ABLIM1: variants seen among roughly 807,000 people sequenced by gnomAD.
ABLIM1 encodes the protein actin binding LIM protein 1.
In ABLIM1, 40 loss-of-function variants were observed where a neutral mutation model predicts 107.0. The ratio of observed to expected loss-of-function variants is 0.37; its 90% CI spans 0.29 to 0.49. ABLIM1 has a LOEUF of 0.49. Ranked by LOEUF, ABLIM1 falls within the 20% of genes least tolerant of loss-of-function variation. The pLI is 0.97. For synonymous variants in ABLIM1, 357 were observed against 357.3 expected (o/e 1.00, Z 0.01); for missense variants, 857 against 1,008.5 (o/e 0.85, Z 2.04).
intron 1 of ABLIM1, among the ~76,000 whole-genome samples, chr10:114,673,280 AAC>A (rs2080338827): frequency 6.6e-6 from 1 of 152,152 alleles, no homozygotes; most frequent in African/African-American, 2.4e-5. Flanking sequence ...ACAAAAAAAA[AAC>A]AAAACTCTTT....
intron 6 of ABLIM1, among the ~76,000 whole-genome samples, chr10:114,512,120 G>A (rs1245923135): frequency 2.6e-5 from 4 of 152,218 alleles, no homozygotes; most frequent in African/African-American, 9.7e-5. Context: ...TGACTCAGGT[G>A]AACTTTCCTG....
At chr10:114,576,587 G>A (rs530112524) in intron 2 of ABLIM1, among the ~76,000 whole-genome samples, 2 of 152,156 alleles carry the variant, frequency 1.3e-5, no homozygotes, top group East Asian at 3.9e-4. Context: ...ATGCTCCCAG[G>A]GTTCATCTGC....
At chr10:114,631,722 A>G (rs1461160389) in intron 1 of ABLIM1, among the ~76,000 whole-genome samples, 2 of 151,830 alleles carry the variant, frequency 1.3e-5, no homozygotes, top group Non-Finnish European at 2.9e-5. Flanking sequence ...GCGGTGGTGA[A>G]ATTAAAGATT....
intron 4 of ABLIM1, among the ~76,000 whole-genome samples, chr10:114,552,735 C>T (rs2068224606): frequency 6.6e-6 from 1 of 152,144 alleles, no homozygotes; most frequent in Non-Finnish European, 1.5e-5. Flanking sequence ...TATATTTTAG[C>T]ATAGGGCTAT....
intron 1 of ABLIM1, among the ~76,000 whole-genome samples, chr10:114,642,291 C>T (rs2078789679): frequency 1.3e-5 from 2 of 151,970 alleles, no homozygotes; most frequent in South Asian, 4.2e-4. Flanking sequence ...GGAGAGTGAG[C>T]ACAGATGCAG....
At chr10:114,631,914 C>A (rs1275152293) in intron 1 of ABLIM1, 4 of 1,304,350 alleles carry the variant, frequency 3.1e-6, no homozygotes, top group Non-Finnish European at 4.0e-6. Flanking sequence ...TTTTCCTTCA[C>A]CATGGCAACC....
chr10:114,528,940 C>T (rs924960865), intron 6 of ABLIM1, among the ~76,000 whole-genome samples: 16 of 152,084 alleles, frequency 1.1e-4, no homozygotes, highest in African/African-American at 3.9e-4. Flanking sequence ...AAGGATGGTA[C>T]CTTTTACCTC....
intron 2 of ABLIM1, among the ~76,000 whole-genome samples, chr10:114,586,548 A>G (rs2074220154): frequency 1.3e-5 from 2 of 152,210 alleles, no homozygotes; most frequent in Admixed American, 6.5e-5. Flanking sequence ...TCAATGATCA[A>G]CTCTTTTCCA....
chr10:114,474,023 C>T, intron 8 of ABLIM1, 67 bp from the exon 9 acceptor site: 1 of 1,244,718 alleles, frequency 8.0e-7, no homozygotes, highest in Non-Finnish European at 1.1e-6. Flanking sequence ...GTCCTGGGCC[C>T]TTAAGCTTTA....
intron 6 of ABLIM1, among the ~76,000 whole-genome samples, chr10:114,497,710 C>T (rs1169888037): frequency 6.9e-6 from 1 of 145,014 alleles, no homozygotes. Flanking sequence ...AAAAAAATCA[C>T]GTCCCCATTT....
intron 2 of ABLIM1, among the ~76,000 whole-genome samples, chr10:114,598,612 AAAAC>A (rs1298366862): frequency 6.6e-6 from 1 of 151,836 alleles, no homozygotes; most frequent in African/African-American, 2.4e-5. Flanking sequence ...AATAAAAACA[AAAAC>A]AAACAAAAAA....
At chr10:114,640,234 A>G (rs1399742479) in intron 1 of ABLIM1, among the ~76,000 whole-genome samples, 1 of 152,194 alleles carries the variant, frequency 6.6e-6, no homozygotes, top group Admixed American at 6.5e-5. Context: ...AGTGAAATGA[A>G]AACAGTTGAG....
Position 114,514,878 on chromosome 10 carries a change from G to A in ABLIM1, c.895-23000C>T, listed in dbSNP as rs1352897756. The stretch of plus-strand genomic sequence containing the variant: ...ACTAAAAAAGAGAGGAAAAGCGCCT[G>A]TCATTGAGACCTACCCACCATGGTG... On this transcript the variant is annotated intron_variant, in intron 6 of 22. Transcript: ENST00000533213. Among the ~76,000 whole-genome samples the A allele has an allele frequency of 2.0e-5, 3 of 152,184 alleles. No individual in the cohort carries two copies. The East Asian group carries it at 5.8e-4, about 29-fold the overall frequency.
chr10:114,476,276 AG>A (rs1263974561), intron 8 of ABLIM1, among the ~76,000 whole-genome samples: 1 of 152,202 alleles, frequency 6.6e-6, no homozygotes, highest in Non-Finnish European at 1.5e-5. Context: ...TACCAATCAC[AG>A]GCATATCTCA....
At chr10:114,477,203 C>T (rs1173126027) in intron 8 of ABLIM1, among the ~76,000 whole-genome samples, 1 of 152,144 alleles carries the variant, frequency 6.6e-6, no homozygotes, top group Non-Finnish European at 1.5e-5. Context: ...ATCAACATAA[C>T]TATGGGACAA....
At chr10:114,480,330 G>T (rs1266511036) in intron 8 of ABLIM1, among the ~76,000 whole-genome samples, 2 of 152,102 alleles carry the variant, frequency 1.3e-5, no homozygotes, top group African/African-American at 4.8e-5. Context: ...TTACTCTCTG[G>T]TCTATGTTAT....
chr10:114,441,467 T>C (rs2060188227), intron 18 of ABLIM1, among the ~76,000 whole-genome samples: 1 of 152,204 alleles, frequency 6.6e-6, no homozygotes, highest in South Asian at 2.1e-4. Context: ...TGCCATACAG[T>C]TTTGCAATTT....
chr10:114,677,671 A>G (rs1352548146), intron 1 of ABLIM1, among the ~76,000 whole-genome samples: 2 of 152,204 alleles, frequency 1.3e-5, no homozygotes, highest in African/African-American at 2.4e-5. Flanking sequence ...CCTACTTGGG[A>G]GGCTGAAGCA....
chr10:114,789,791 G>GC, the ABLIM1 span, among the ~76,000 whole-genome samples: 2 of 135,052 alleles, frequency 1.5e-5, no homozygotes, highest in African/African-American at 5.3e-5. Flanking sequence ...ATGTATATTT[G>GC]TTTTTTTTTT....
Sources: gnomAD v4.1 joint callset for allele counts (sites outside exome capture counted in the v4.1 genomes callset) on GRCh38, gnomAD v4.1.1 for gene constraint, MANE v1.5 for transcripts, NCBI Gene and HGNC (gene_info 2026-07-23, HGNC 2026-07-21) for gene names.